Variants in CLTCL1 observed in about 807,000 individuals in gnomAD.
CLTCL1 encodes clathrin heavy chain 2.
In CLTCL1, 159 loss-of-function variants were observed where a neutral mutation model predicts 190.0. The ratio of observed to expected loss-of-function variants is 0.84; its 90% CI spans 0.74 to 0.95. The LOEUF (loss-of-function observed/expected upper bound fraction) is 0.95, where lower values mean the gene tolerates loss of function less well. Ranked by LOEUF, CLTCL1 falls within the 40% of genes least tolerant of loss-of-function variation. CLTCL1 has a pLI of 0.00. For synonymous variants in CLTCL1, 752 were observed against 769.6 expected (o/e 0.98, Z 0.38); for missense variants, 1,878 against 2,033.4 (o/e 0.92, Z 1.47).
chr22:19,194,854 C>T (rs1206200205), intron 26 of CLTCL1, among the ~76,000 whole-genome samples: 4 of 152,212 alleles, frequency 2.6e-5, no homozygotes, highest in African/African-American at 9.6e-5. Context: ...TCTGATTGGA[C>T]CCCTGCACTG....
intron 2 of CLTCL1, among the ~76,000 whole-genome samples, chr22:19,263,145 C>T (rs1426133606): frequency 6.6e-6 from 1 of 151,570 alleles, no homozygotes; most frequent in Non-Finnish European, 1.5e-5. Flanking sequence ...GAGACAGAGT[C>T]TCTCTCTGTA....
Position 19,201,372 on chromosome 22 carries a change from A to G in CLTCL1, c.3722T>C (p.Val1241Ala), listed in dbSNP as rs373241546. The G allele has an allele frequency of 1.9e-6, 3 of 1,613,256 alleles. No homozygotes were observed. The highest frequency in any genetic ancestry group is 2.7e-5 in the African/African-American group (2 of 74,908). The change falls in exon 23 of 33, where the codon GTG (valine) becomes GCG (alanine). Residue 1241 changes from valine (V) to alanine (A), a missense_variant. Physicochemically the swap from Val to Ala is moderately conservative, Grantham distance 64. Transcript: ENST00000427926. Reference sequence around the variant, plus strand: ...GCTGCTGGCCTTGCGGCTGTTGTCCACTGCTGCCTGATACTCACCGAGGTG... The same window carrying G: ...GCTGCTGGCCTTGCGGCTGTTGTCCGCTGCTGCCTGATACTCACCGAGGTG... Reference protein sequence around the residue: ...LVHLGEYQAAVDNSRKASSTR... With the variant: ...LVHLGEYQAAADNSRKASSTR...
chr22:19,219,644 C>T (rs1236662729), intron 18 of CLTCL1, among the ~76,000 whole-genome samples: 5 of 152,040 alleles, frequency 3.3e-5, no homozygotes, highest in East Asian at 1.9e-4. Context: ...CCACCATGTG[C>T]GGCTAATTTT....
At chr22:19,278,721 C>T (rs1555984790) in intron 1 of CLTCL1, among the ~76,000 whole-genome samples, 1 of 152,124 alleles carries the variant, frequency 6.6e-6, no homozygotes, top group African/African-American at 2.4e-5. Context: ...CTGGAGGACA[C>T]AGATCAGATT....
intron 23 of CLTCL1, among the ~76,000 whole-genome samples, chr22:19,200,138 G>C (rs1485789303): frequency 6.6e-6 from 1 of 152,176 alleles, no homozygotes; most frequent in Non-Finnish European, 1.5e-5. Context: ...GGAATTTCAG[G>C]TTTGGGGTTT....
At chr22:19,288,245 ATT>A (rs1346508292) in intron 1 of CLTCL1, among the ~76,000 whole-genome samples, 1 of 152,110 alleles carries the variant, frequency 6.6e-6, no homozygotes, top group Non-Finnish European at 1.5e-5. Context: ...ATGCTGGCAT[ATT>A]GTTATTATTG....
Position 19,242,502 on chromosome 22 carries a change from G to T in CLTCL1, c.681+273C>A, listed in dbSNP as rs149746725. The stretch of plus-strand genomic sequence containing the variant: ...GTAGAGACGGGGTTTCACCACGTTG[G>T]CCAGGCTGTTCTTGAACTCCTGACC... On this transcript the variant is annotated intron_variant, in intron 4 of 32. Transcript: ENST00000427926. 9.4e-3 allele frequency among the ~76,000 whole-genome samples: 1,434 copies of T among 152,178 alleles called. 35 individuals carry two copies. The highest frequency in any genetic ancestry group is 0.069 in the East Asian group (355 of 5,162).
intron 26 of CLTCL1, among the ~76,000 whole-genome samples, chr22:19,195,239 G>A (rs1004434633): frequency 7.2e-5 from 11 of 152,162 alleles, no homozygotes; most frequent in Non-Finnish European, 1.2e-4. Flanking sequence ...TGACCTGGCC[G>A]CACTCCCTCC....
intron 11 of CLTCL1, among the ~76,000 whole-genome samples, chr22:19,229,132 G>A (rs1279524662): frequency 2.6e-5 from 4 of 152,138 alleles, no homozygotes; most frequent in African/African-American, 7.2e-5. Context: ...ATAAATCTTT[G>A]TACACCCATG....
At chr22:19,262,897 C>T (rs782585033) in intron 2 of CLTCL1, among the ~76,000 whole-genome samples, 2 of 150,320 alleles carry the variant, frequency 1.3e-5, no homozygotes, top group Non-Finnish European at 3.0e-5. Flanking sequence ...TGGGCGTGGT[C>T]GCACGTGCTT....
chr22:19,212,034 A>G, intron 19 of CLTCL1, among the ~76,000 whole-genome samples: 1 of 152,152 alleles, frequency 6.6e-6, no homozygotes, highest in East Asian at 1.9e-4. Flanking sequence ...CATATGACCT[A>G]TATGCCAAAA....
intron 22 of CLTCL1, among the ~76,000 whole-genome samples, chr22:19,202,367 C>T (rs1021264908): frequency 6.6e-6 from 1 of 151,838 alleles, no homozygotes; most frequent in Non-Finnish European, 1.5e-5. Context: ...ATCCTACTTC[C>T]GCCATCCACA....
intron 1 of CLTCL1, among the ~76,000 whole-genome samples, chr22:19,283,345 A>G (rs919988245): frequency 4.0e-5 from 6 of 151,796 alleles, no homozygotes; most frequent in African/African-American, 1.5e-4. Flanking sequence ...CAGTGGTGCA[A>G]TCTTGGCTTA....
chr22:19,194,867 G>T (rs114541199), intron 26 of CLTCL1, among the ~76,000 whole-genome samples: 321 of 152,272 alleles, frequency 2.1e-3, no homozygotes, highest in African/African-American at 7.4e-3. Context: ...CTGCACTGGC[G>T]AGTATCCTCC....
Position 19,225,707 on chromosome 22 carries a change from T to A in CLTCL1, c.1948-74A>T. The A allele has an allele frequency of 2.3e-6, 3 of 1,325,650 alleles. No individual in the cohort carries two copies. The South Asian group carries it at 4.4e-5, about 20-fold the overall frequency. 82.1% of individuals were successfully genotyped at this position (1,325,650 alleles called of 1,614,324 possible). A position where few individuals can be genotyped will look rare whatever the true frequency, so the allele number is the denominator to read the frequency against. ...TGCTAACACTTGGAAAATAACTAGG[T>A]CATTCTCCTGTTCCCCTGAGTGTCA... On this transcript the variant is annotated intron_variant, in intron 12 of 32. Coordinates refer to ENST00000427926, the MANE Select transcript of CLTCL1 (RefSeq NM_007098.4).
chr22:19,196,553 T>G lies in CLTCL1; in HGVS notation c.3977A>C (p.Lys1326Thr), dbSNP rs369672659. The G allele has an allele frequency of 6.2e-7, 1 of 1,613,982 alleles. No individual in the cohort carries two copies. The highest frequency in any genetic ancestry group is 1.6e-4 in the Middle Eastern group (1 of 6,062). The change falls in exon 25 of 33, where the codon AAA becomes ACA. Residue 1326 changes from lysine (K) to threonine (T), a missense_variant. Transcript: ENST00000427926. Reference sequence around the variant, plus strand: ...CTCCAGCATCTTCTGTGGCTTGAATTTGGAGTAGAGGATGGCCAGCTCAGT... The same window carrying G: ...CTCCAGCATCTTCTGTGGCTTGAATGTGGAGTAGAGGATGGCCAGCTCAGT... ...MFTELAILYS[K>T]FKPQKMLEHL...
intron 3 of CLTCL1, among the ~76,000 whole-genome samples, chr22:19,243,784 G>A (rs1485558038): frequency 7.2e-6 from 1 of 138,702 alleles, no homozygotes; most frequent in African/African-American, 2.7e-5. Flanking sequence ...TGCAAGCTTC[G>A]CCTCCTGGGT....
chr22:19,244,825 T>C (rs1296115439), intron 3 of CLTCL1, among the ~76,000 whole-genome samples: 3 of 152,240 alleles, frequency 2.0e-5, no homozygotes, highest in Non-Finnish European at 4.4e-5. Context: ...TTAAGGACTG[T>C]AGCAGGCAAG....
rs1555952904 is a variant in CLTCL1, at chr22:19,222,082, G to A, written c.2430C>T (p.Ser810=). Residue 810 remains serine (S), a synonymous_variant, in exon 16 of 33, where the codon AGC becomes AGT. Transcript: ENST00000427926. ...GCCCTCCAATCACAGCTGGGGTCCG[G>A]CTAGGGTTGACCTAGGGTAGTCAAG... ...IEIYVQKVNP[S]RTPAVIGGLL... 1.2e-6 allele frequency: 2 copies of A among 1,613,814 alleles called. No individual in the cohort carries two copies. Among genetic ancestry groups the A allele is most frequent in the Non-Finnish European group, 1.7e-6 (2 of 1,179,854 alleles).
Sources: gnomAD v4.1 joint callset for allele counts (sites outside exome capture counted in the v4.1 genomes callset) on GRCh38, gnomAD v4.1.1 for gene constraint, MANE v1.5 for transcripts, NCBI Gene and HGNC (gene_info 2026-07-23, HGNC 2026-07-21) for gene names.